CDK17: variants seen among roughly 807,000 people sequenced by gnomAD.
CDK17 encodes the protein cyclin-dependent kinase 17.
In CDK17, 24 loss-of-function variants were observed where a neutral mutation model predicts 77.6. The observed-to-expected ratio is 0.31, with a 90% CI of 0.22 to 0.44. The LOEUF (loss-of-function observed/expected upper bound fraction) is 0.44, where lower values mean the gene tolerates loss of function less well. Ranked by LOEUF, CDK17 falls within the 20% of genes least tolerant of loss-of-function variation. CDK17 has a pLI of 1.00. For synonymous variants in CDK17, 203 were observed against 210.4 expected, an observed-to-expected ratio of 0.96 and a Z score of 0.30; for missense variants, 429 against 622.5, an observed-to-expected ratio of 0.69 and a Z score of 3.31.
At chr12:96,383,596 A>G (rs1160040333) in intron 1 of CDK17, among the ~76,000 whole-genome samples, 1 of 152,166 alleles carries the variant, frequency 6.6e-6, no homozygotes, top group Non-Finnish European at 1.5e-5. Flanking sequence ...AACAGAATGG[A>G]GAATCTAGAA....
At chr12:96,345,009 T>C (rs1953181584) in intron 1 of CDK17, among the ~76,000 whole-genome samples, 3 of 152,128 alleles carry the variant, frequency 2.0e-5, no homozygotes, top group Non-Finnish European at 4.4e-5. Flanking sequence ...CTCAGTTAAG[T>C]GTTGTTTCCC....
intron 13 of CDK17, among the ~76,000 whole-genome samples, chr12:96,284,047 A>G (rs1952212380): frequency 6.6e-6 from 1 of 152,192 alleles, no homozygotes; most frequent in Non-Finnish European, 1.5e-5. Flanking sequence ...GTGACCCCAA[A>G]ATGTATCACT....
chr12:96,307,069 G>A (rs1273277599), intron 5 of CDK17, among the ~76,000 whole-genome samples: 1 of 152,206 alleles, frequency 6.6e-6, no homozygotes, highest in Non-Finnish European at 1.5e-5. Flanking sequence ...GCTGTGGCAG[G>A]AGGATCACCT....
At chr12:96,299,566 T>C (rs1401290830) in intron 6 of CDK17, among the ~76,000 whole-genome samples, 1 of 152,074 alleles carries the variant, frequency 6.6e-6, no homozygotes, top group Non-Finnish European at 1.5e-5. Flanking sequence ...AATTTTTGTG[T>C]TTTCAGTACA....
At chr12:96,378,421 C>T (rs1357276290) in intron 1 of CDK17, among the ~76,000 whole-genome samples, 2 of 152,136 alleles carry the variant, frequency 1.3e-5, no homozygotes, top group African/African-American at 2.4e-5. Context: ...CCTTCCTTTC[C>T]AGCACTACAA....
At chr12:96,388,650 T>C (rs1407882402) in intron 1 of CDK17, among the ~76,000 whole-genome samples, 5 of 152,226 alleles carry the variant, frequency 3.3e-5, no homozygotes, top group Non-Finnish European at 5.9e-5. Flanking sequence ...TATAAAGAGT[T>C]ATAGCAAAAA....
At chr12:96,307,436 T>C (rs1374374855) in intron 5 of CDK17, among the ~76,000 whole-genome samples, 1 of 152,132 alleles carries the variant, frequency 6.6e-6, no homozygotes, top group Admixed American at 6.5e-5. Flanking sequence ...CTTAAAAAAA[T>C]TACATGGTGA....
In CDK17 at chr12:96,400,375, A is replaced by C. The variant is rs1052645421; in HGVS notation, c.-419T>G. 2.6e-6 allele frequency: 1 copy of C among 385,344 alleles called. No individual in the cohort carries two copies. The highest frequency in any genetic ancestry group is 2.1e-5 in the African/African-American group (1 of 48,000). The allele number at this position is 385,344 out of a possible 1,614,324, so 23.9% of individuals were successfully genotyped here. A position where few individuals can be genotyped will look rare whatever the true frequency, so the allele number is the denominator to read the frequency against. On this transcript the variant is annotated 5_prime_UTR_variant, in exon 1 of 17. Transcript: ENST00000261211. The stretch of plus-strand genomic sequence containing the variant: ...TGCGGCGGCCCGCGGGGAGCTCAGG[A>C]GACTGCGGGCGGCCGCGTTCGCTCC...
intron 2 of CDK17, among the ~76,000 whole-genome samples, chr12:96,327,301 G>A (rs1487361649): frequency 6.6e-6 from 1 of 152,124 alleles, no homozygotes; most frequent in African/African-American, 2.4e-5. Flanking sequence ...CTTGGTTGCT[G>A]TTTGAAAAAC....
chr12:96,364,711 T>C (rs564100198), intron 1 of CDK17, among the ~76,000 whole-genome samples: 6 of 152,344 alleles, frequency 3.9e-5, no homozygotes, highest in African/African-American at 1.4e-4. Context: ...ATCACTTCCA[T>C]AGGCTTGCTC....
At chr12:96,354,547 C>T (rs1953365299) in intron 1 of CDK17, among the ~76,000 whole-genome samples, 1 of 152,082 alleles carries the variant, frequency 6.6e-6, no homozygotes. Context: ...AATCCTGATC[C>T]AAGCCCAGCC....
chr12:96,374,697 C>G (rs1344978549), intron 1 of CDK17, among the ~76,000 whole-genome samples: 1 of 152,148 alleles, frequency 6.6e-6, no homozygotes, highest in Non-Finnish European at 1.5e-5. Context: ...AAGGGGGGAA[C>G]TAATTTACTT....
chr12:96,333,400 C>A (rs992084795), intron 2 of CDK17, among the ~76,000 whole-genome samples: 2 of 152,100 alleles, frequency 1.3e-5, no homozygotes, highest in Admixed American at 1.3e-4. Context: ...CGTGGTGGCT[C>A]ACACCTGTAA....
At position 96,310,274 on chromosome 12, in the gene CDK17, A is replaced by AAT. The variant is rs569811289; in HGVS notation, c.543+776_543+777dup. 4.3e-4 allele frequency among the ~76,000 whole-genome samples: 65 copies of AAT among 152,138 alleles called. 1 individual carries two copies. Among genetic ancestry groups the AAT allele is most frequent in the African/African-American group, 1.3e-3 (56 of 41,512 alleles). ...ATACATACTGGGATACATATTGTGC[A>AAT]ATATATATATACAAACTTTGTATAA... On this transcript the variant is annotated intron_variant, in intron 5 of 16. Transcript: ENST00000261211.
At position 96,316,464 on chromosome 12, in the gene CDK17, G is replaced by A. The variant is rs566253393; in HGVS notation, c.284-3010C>T. On this transcript the variant is annotated intron_variant, in intron 3 of 16. Transcript: ENST00000261211. Reference sequence around the variant, plus strand: ...TGGGTGGAGCCCACCACAGCTCAAGGAGGCCTGCCTGCCTTTGTAGGCTCC... The same window carrying A: ...TGGGTGGAGCCCACCACAGCTCAAGAAGGCCTGCCTGCCTTTGTAGGCTCC... Among the ~76,000 whole-genome samples, 40 of 147,562 alleles carry A rather than the reference G, an allele frequency of 2.7e-4. 1 individual carries two copies. Among genetic ancestry groups the A allele is most frequent in the African/African-American group, 1.0e-3 (40 of 39,578 alleles).
At chr12:96,325,077 CTT>C (rs1952875539) in intron 2 of CDK17, among the ~76,000 whole-genome samples, 2 of 152,130 alleles carry the variant, frequency 1.3e-5, no homozygotes, top group South Asian at 4.1e-4. Flanking sequence ...TCAGGAATCT[CTT>C]GACTCCTTTC....
At chr12:96,398,136 C>T (rs533810281) in intron 1 of CDK17, among the ~76,000 whole-genome samples, 2 of 115,508 alleles carry the variant, frequency 1.7e-5, no homozygotes, top group South Asian at 4.8e-4. Flanking sequence ...CAAAGACTCC[C>T]GTTTTTTTTT....
chr12:96,332,225 T>C (rs1952983061), intron 2 of CDK17, among the ~76,000 whole-genome samples: 1 of 152,206 alleles, frequency 6.6e-6, no homozygotes, highest in African/African-American at 2.4e-5. Context: ...TACCTAGTTT[T>C]GATATACTCT....
intron 1 of CDK17, among the ~76,000 whole-genome samples, chr12:96,392,832 T>C (rs1220901380): frequency 2.0e-5 from 3 of 152,142 alleles, no homozygotes; most frequent in African/African-American, 4.8e-5. Context: ...ATAGACCAGA[T>C]TGCCAGGAAC....
Sources: gnomAD v4.1 joint callset for allele counts (sites outside exome capture counted in the v4.1 genomes callset) on GRCh38, gnomAD v4.1.1 for gene constraint, MANE v1.5 for transcripts, NCBI Gene and HGNC (gene_info 2026-07-23, HGNC 2026-07-21) for gene names.